The following ZHX3 variants were observed in gnomAD, a reference collection of about 807,000 sequenced individuals.
The protein encoded by ZHX3 is zinc fingers and homeoboxes protein 3.
ZHX3 carries 20 observed loss-of-function variants against 64.5 expected under a neutral mutation model. The ratio of observed to expected loss-of-function variants is 0.31; its 90% CI spans 0.22 to 0.45. The LOEUF (loss-of-function observed/expected upper bound fraction) is 0.45, where lower values mean the gene tolerates loss of function less well. ZHX3 is among the 20% of genes least tolerant of loss of function. The pLI is 1.00. For synonymous variants in ZHX3, 423 were observed against 461.6 expected (o/e 0.92, Z 1.07); for missense variants, 1,041 against 1,195.8 (o/e 0.87, Z 1.91).
chr20:41,208,023 C>A (rs1455698725), intron 2 of ZHX3, among the ~76,000 whole-genome samples: 2 of 152,116 alleles, frequency 1.3e-5, no homozygotes, highest in Non-Finnish European at 2.9e-5. Context: ...ACCACCGATC[C>A]CATAGAAATA....
At chr20:41,196,357 T>TATATATATATTTATATAAC (rs2037499306) in intron 3 of ZHX3, among the ~76,000 whole-genome samples, 1 of 95,844 alleles carries the variant, frequency 1.0e-5, no homozygotes, top group Non-Finnish European at 1.9e-5. Context: ...ATATATATCT[T>TATATATATATTTATATAAC]ATAAATATAT....
At chr20:41,187,323 C>CAAAAAAAAAAAA in intron 3 of ZHX3, among the ~76,000 whole-genome samples, 1 of 77,470 alleles carries the variant, frequency 1.3e-5, no homozygotes, top group Non-Finnish European at 2.5e-5. Flanking sequence ...GAACCTGTCT[C>CAAAAAAAAAAAA]AAAAAAAAAA....
intron 2 of ZHX3, among the ~76,000 whole-genome samples, chr20:41,235,784 GAGA>G (rs1686443111): frequency 6.6e-6 from 1 of 152,170 alleles, no homozygotes; most frequent in Non-Finnish European, 1.5e-5. Context: ...AATCAGGCAG[GAGA>G]AGGAAATAAA....
At chr20:41,275,949 T>C (rs138589688) in intron 1 of ZHX3, among the ~76,000 whole-genome samples, 10 of 152,220 alleles carry the variant, frequency 6.6e-5, no homozygotes, top group Non-Finnish European at 1.3e-4. Flanking sequence ...CAAACAAAGA[T>C]TCAGAGGATG....
intron 1 of ZHX3, among the ~76,000 whole-genome samples, chr20:41,281,094 G>C (rs376147824): frequency 6.6e-6 from 1 of 152,224 alleles, no homozygotes; most frequent in South Asian, 2.1e-4. Context: ...CTACAGTTAG[G>C]AAGCATGCTA....
intron 2 of ZHX3, among the ~76,000 whole-genome samples, chr20:41,241,947 G>C (rs970079625): frequency 5.3e-5 from 8 of 152,080 alleles, no homozygotes; most frequent in Non-Finnish European, 1.2e-4. Flanking sequence ...CCTCTAGAGT[G>C]TTTTAAATTA....
At chr20:41,260,277 C>A (rs1156937146) in intron 2 of ZHX3, among the ~76,000 whole-genome samples, 1 of 151,804 alleles carries the variant, frequency 6.6e-6, no homozygotes, top group Non-Finnish European at 1.5e-5. Context: ...ATAAGGTAGG[C>A]ATATATATTG....
intron 1 of ZHX3, among the ~76,000 whole-genome samples, chr20:41,298,358 CTT>C (rs1481838139): frequency 1.3e-5 from 2 of 152,114 alleles, no homozygotes; most frequent in Admixed American, 1.3e-4. Flanking sequence ...TGTAGCAGTC[CTT>C]AGCACAGTGA....
Position 41,257,948 on chromosome 20 carries a change from C to T in ZHX3, c.-151+11042G>A, listed in dbSNP as rs1443727801. Among the ~76,000 whole-genome samples the T allele has an allele frequency of 3.8e-5, 5 of 133,008 alleles. 1 individual carries two copies. The highest frequency in any genetic ancestry group is 1.6e-4 in the African/African-American group (5 of 30,960). 87.3% of individuals were successfully genotyped at this position (133,008 alleles called of 152,430 possible). A position where few individuals can be genotyped will look rare whatever the true frequency, so the allele number is the denominator to read the frequency against. ...GAGACGGAGTTTTGCTCTTGTCAGCCAGGCTGGGGTACAGTGGCACAGCTC... is the reference window on the plus strand; with the variant it reads ...GAGACGGAGTTTTGCTCTTGTCAGCTAGGCTGGGGTACAGTGGCACAGCTC... On this transcript the variant is annotated intron_variant, in intron 2 of 3. Coordinates refer to ENST00000683867, the MANE Select transcript of ZHX3 (RefSeq NM_001384317.1).
At position 41,201,689 on chromosome 20, in the gene ZHX3, A is replaced by G. The variant is rs114868507; in HGVS notation, c.2860+368T>C. Among the ~76,000 whole-genome samples, 3 of 152,272 alleles carry G rather than the reference A, an allele frequency of 2.0e-5. No homozygotes were observed. Among genetic ancestry groups the G allele is most frequent in the South Asian group, 2.1e-4 (1 of 4,830 alleles). On this transcript the variant is annotated intron_variant, in intron 3 of 3. Coordinates refer to ENST00000683867, the MANE Select transcript of ZHX3 (RefSeq NM_001384317.1). This position sits in a 1 kb window ranked among gnomAD's most constrained non-coding sequence, Gnocchi z 5.0. ...TTTCATCAATTTGAGCTGAATTTCA[A>G]CTCATGTCCTGTTGCTGTCTCCTAC...
intron 3 of ZHX3, among the ~76,000 whole-genome samples, chr20:41,192,001 G>C (rs1442127222): frequency 6.6e-6 from 1 of 152,192 alleles, no homozygotes; most frequent in Non-Finnish European, 1.5e-5. Context: ...TCAGATGTCA[G>C]TAGTGGCAGC....
chr20:41,281,764 T>C lies in ZHX3; in HGVS notation c.-244-12681A>G, dbSNP rs1433134982. Among the ~76,000 whole-genome samples, 7 of 152,170 alleles carry C rather than the reference T, an allele frequency of 4.6e-5. No individual in the cohort carries two copies. The East Asian group carries it at 1.3e-3, about 29-fold the overall frequency. ...TCACATATCACCTTGCAAACAGTGA[T>C]GGGTGTTTAAACATTTTATCCTAAG... On this transcript the variant is annotated intron_variant, in intron 1 of 3. Coordinates refer to ENST00000683867, the MANE Select transcript of ZHX3 (RefSeq NM_001384317.1).
At chr20:41,296,232 TAAAAAAAAAAAAAAAAAAAA>T (rs57987896) in intron 1 of ZHX3, among the ~76,000 whole-genome samples, 16 of 73,004 alleles carry the variant, frequency 2.2e-4, no homozygotes, top group Non-Finnish European at 2.7e-4. Context: ...GTTCATAAAG[TAAAAAAAAAAAAAAAAAAAA>T]AAAAAAAAAA....
chr20:41,204,587 T>C lies in ZHX3; in HGVS notation c.330A>G (p.Val110=). Residue 110 remains valine (V), a synonymous_variant, in exon 3 of 4, where the codon GTA becomes GTG. Transcript: ENST00000683867. This position sits in a 1 kb window ranked among gnomAD's most constrained non-coding sequence, Gnocchi z 6.6. ...TTGCCAGAAAACTGCACCCACTGCA[T>C]ACAAAGGTTGGGTCTTTATTAAAGT... ...HTDFNKDPTF[V]CSGCSFLAKT... 1 of 1,614,238 alleles carries C rather than the reference T, an allele frequency of 6.2e-7. No homozygotes were observed.
At chr20:41,272,143 T>C (rs372208427) in intron 1 of ZHX3, 2 of 152,178 alleles carry the variant, frequency 1.3e-5, no homozygotes, top group South Asian at 2.1e-4. Flanking sequence ...CTTTACCAGT[T>C]TCAACAAATA....
At position 41,201,233 on chromosome 20, in the gene ZHX3, T is replaced by G; in HGVS notation, c.2860+824A>C. On this transcript the variant is annotated intron_variant, in intron 3 of 3. Coordinates refer to ENST00000683867, the MANE Select transcript of ZHX3 (RefSeq NM_001384317.1). This position sits in a 1 kb window ranked among gnomAD's most constrained non-coding sequence, Gnocchi z 5.0. ...AACTCAGCTAGCAATGCTGCCATTT[T>G]GGAACCCCCAATCCCTTCAGCTTCT... The G allele has an allele frequency of 5.0e-6, 6 of 1,209,750 alleles. No homozygotes were observed. The highest frequency in any genetic ancestry group is 5.4e-6 in the Non-Finnish European group (5 of 930,968). The allele number at this position is 1,209,750 out of a possible 1,614,324, so 74.9% of individuals were successfully genotyped here. A position where few individuals can be genotyped will look rare whatever the true frequency, so the allele number is the denominator to read the frequency against.
At chr20:41,199,075 C>T (rs2038007302) in intron 3 of ZHX3, among the ~76,000 whole-genome samples, 1 of 152,002 alleles carries the variant, frequency 6.6e-6, no homozygotes, top group African/African-American at 2.4e-5. Context: ...TGTTTGGTTC[C>T]TTTTTATAAT....
At chr20:41,256,668 T>C (rs886842792) in intron 2 of ZHX3, among the ~76,000 whole-genome samples, 2 of 149,950 alleles carry the variant, frequency 1.3e-5, no homozygotes, top group African/African-American at 4.9e-5. Context: ...GCAATCAGAA[T>C]GTCTGCCCCA....
chr20:41,238,992 C>CTTT lies in ZHX3; in HGVS notation c.-151+29995_-151+29997dup, dbSNP rs36076017. On this transcript the variant is annotated intron_variant, in intron 2 of 3. Transcript: ENST00000683867. ...GAAAACAAGGGCCTATTTTCTCTCTCTTTTTTTTTTTTTTTTTTTTTTTTT... is the reference window on the plus strand; with the variant it reads ...GAAAACAAGGGCCTATTTTCTCTCTCTTTTTTTTTTTTTTTTTTTTTTTTTTTT... Among the ~76,000 whole-genome samples the CTTT allele has an allele frequency of 8.5e-3, 733 of 86,326 alleles. 74 individuals are homozygous for CTTT. Among genetic ancestry groups the CTTT allele is most frequent in the African/African-American group, 0.013 (259 of 20,056 alleles). The allele number at this position is 86,326 out of a possible 152,430, so 56.6% of individuals were successfully genotyped here. A position where few individuals can be genotyped will look rare whatever the true frequency, so the allele number is the denominator to read the frequency against.
Sources: gnomAD v4.1 joint callset for allele counts (sites outside exome capture counted in the v4.1 genomes callset) on GRCh38, gnomAD v4.1.1 for gene constraint, Gnocchi (gnomAD v3.1) non-coding constraint, MANE v1.5 for transcripts, NCBI Gene and HGNC (gene_info 2026-07-23, HGNC 2026-07-21) for gene names.